Variants in MYLK3 observed in about 807,000 individuals in gnomAD.
MYLK3 encodes the protein MLC kinase.
In MYLK3, 55 loss-of-function variants were observed where a neutral mutation model predicts 76.3. That is an observed-to-expected ratio of 0.72 (90% CI 0.58 to 0.90). The LOEUF (loss-of-function observed/expected upper bound fraction) is 0.90, where lower values mean the gene tolerates loss of function less well. Among genes scored for constraint, MYLK3 ranks in the 40% least tolerant of loss-of-function variants. The pLI, the probability that MYLK3 is intolerant of heterozygous loss-of-function variation, is 0.00. For missense variants in MYLK3, 973 were observed against 1,053.6 expected, an observed-to-expected ratio of 0.92 and a Z score of 1.06; for synonymous variants, 416 against 425.4, an observed-to-expected ratio of 0.98 and a Z score of 0.27.
intron 8 of MYLK3, 76 bp from the exon 9 acceptor site, chr16:46,721,269 T>A: frequency 7.2e-7 from 1 of 1,392,490 alleles, no homozygotes; most frequent in Non-Finnish European, 1.0e-6. Flanking sequence ...TCTATAGGCC[T>A]CTGTTTTCCA....
chr16:46,732,572 T>C lies in MYLK3; in HGVS notation c.1098A>G (p.Ala366=). 12 of 1,599,380 alleles carry C rather than the reference T, an allele frequency of 7.5e-6. No homozygotes were observed. The highest frequency in any genetic ancestry group is 1.0e-5 in the Non-Finnish European group (12 of 1,179,424). The change falls in exon 4 of 13, where the codon GCA becomes GCG. Residue 366 remains alanine, a synonymous_variant. Transcript: ENST00000394809. The stretch of plus-strand genomic sequence containing the variant: ...GGCCCTGCTTGCCTGGCTGGGCAGC[T>C]GCTGGAGCCTCTGTGGTGAGGGTGG... ...LGPTLTTEAP[A]AAQPGKQGPP...
intron 3 of MYLK3, among the ~76,000 whole-genome samples, chr16:46,733,707 G>T (rs1596763203): frequency 6.6e-6 from 1 of 152,226 alleles, no homozygotes; most frequent in East Asian, 1.9e-4. Flanking sequence ...TCTTGGTGGG[G>T]CTTCTTTTTG....
chr16:46,712,464 C>T lies in MYLK3; in HGVS notation c.2114+184G>A, dbSNP rs180917365. 4.6e-5 allele frequency among the ~76,000 whole-genome samples: 7 copies of T among 152,270 alleles called. No homozygotes were observed. In the East Asian group the frequency reaches 1.2e-3, roughly 25 times the overall value. On this transcript the variant is annotated intron_variant, in intron 10 of 12. Coordinates refer to ENST00000394809, the MANE Select transcript of MYLK3 (RefSeq NM_182493.3). ...ACTGCCTTGTAAATATGGTAACTGGCTTGATAACATACCCTTCCCTGGCTC... is the reference window on the plus strand; with the variant it reads ...ACTGCCTTGTAAATATGGTAACTGGTTTGATAACATACCCTTCCCTGGCTC...
At chr16:46,744,312 G>C (rs905935414) in intron 1 of MYLK3, among the ~76,000 whole-genome samples, 7 of 138,024 alleles carry the variant, frequency 5.1e-5, no homozygotes, top group African/African-American at 1.9e-4. Context: ...AATTACAGGC[G>C]TGAGCCACCA....
At chr16:46,718,256 G>T (rs998967302) in intron 9 of MYLK3, among the ~76,000 whole-genome samples, 4 of 152,180 alleles carry the variant, frequency 2.6e-5, no homozygotes, top group African/African-American at 9.7e-5. Flanking sequence ...CAAGCATGTG[G>T]GAGGCATCTG....
intron 9 of MYLK3, among the ~76,000 whole-genome samples, chr16:46,716,733 C>T (rs1250344293): frequency 6.6e-6 from 1 of 152,174 alleles, no homozygotes; most frequent in East Asian, 1.9e-4. Flanking sequence ...AGGAATGCAA[C>T]ACAGAAAGGC....
In MYLK3 at chr16:46,747,956, C is replaced by A; in HGVS notation, c.238G>T (p.Gly80Trp). 1 of 1,613,326 alleles carries A rather than the reference C, an allele frequency of 6.2e-7. No individual in the cohort carries two copies. The highest frequency in any genetic ancestry group is 8.5e-7 in the Non-Finnish European group (1 of 1,179,826). ...SRAPGPGGADGVPHIDTQAGW... is the reference protein window; with the variant it reads ...SRAPGPGGADWVPHIDTQAGW... Reference sequence around the variant, plus strand: ...GCCTGGGTGTCAATGTGGGGAACCCCATCAGCCCCGCCCGGGCCCGGTGCC... The same window carrying A: ...GCCTGGGTGTCAATGTGGGGAACCCAATCAGCCCCGCCCGGGCCCGGTGCC... The change falls in exon 1 of 13, where the codon GGG (glycine) becomes TGG (tryptophan). Residue 80 changes from glycine to tryptophan, a missense_variant. Gly to Trp is a radical substitution (Grantham distance 184, BLOSUM62 -2). Around this residue, in one of 2 missense-constraint regions of MYLK3, gnomAD observed 641 missense variants for 637.0 expected, o/e 1.01. Coordinates refer to ENST00000394809, the MANE Select transcript of MYLK3 (RefSeq NM_182493.3).
intron 1 of MYLK3, among the ~76,000 whole-genome samples, chr16:46,758,298 ACACACACTCTCT>A (rs1196939304): frequency 4.8e-4 from 27 of 56,228 alleles, no homozygotes; most frequent in East Asian, 2.3e-3. Flanking sequence ...ACACACACAC[ACACACACTCTCT>A]CTCTCTCTCT....
chr16:46,721,190 C>T lies in MYLK3; in HGVS notation c.1918G>A (p.Glu640Lys). The change falls in exon 9 of 13, where the codon GAG becomes AAG. Residue 640 changes from glutamate to lysine, a missense_variant. Physicochemically the swap from Glu to Lys is moderately conservative, Grantham distance 56. This residue lies in a region of MYLK3 where 332 missense variants were observed against 416.6 expected (regional missense o/e 0.80). Coordinates refer to ENST00000394809, the MANE Select transcript of MYLK3 (RefSeq NM_182493.3). ...GTCTGATTGACGCACAATATGTTCT[C>T]CGGCTGGGAAAGAAAGAAGTCTGCT... ...HYILHLDLKP[E>K]NILCVNQTGH... 10 of 1,614,198 alleles carry T rather than the reference C, an allele frequency of 6.2e-6. No individual in the cohort carries two copies. Among genetic ancestry groups the T allele is most frequent in the Non-Finnish European group, 8.5e-6 (10 of 1,180,028 alleles).
intron 9 of MYLK3, among the ~76,000 whole-genome samples, chr16:46,717,290 C>T (rs1419218539): frequency 6.6e-6 from 1 of 152,178 alleles, no homozygotes. Flanking sequence ...CGCTTTTGAT[C>T]ACAGAAGTCT....
rs143734426 is a variant in MYLK3, at chr16:46,703,486, G to A, written c.*4218C>T. The A allele has an allele frequency of 6.6e-6, 1 of 152,344 alleles. No individual in the cohort carries two copies. The highest frequency in any genetic ancestry group is 1.5e-5 in the Non-Finnish European group (1 of 68,042). The allele number at this position is 152,344 out of a possible 1,614,324, so 9.4% of individuals were successfully genotyped here. ...CACCAATCTGACAGGTGGAAAAAGTGTGCCCCAACTACCTTTTAGAGTTTC... is the reference window on the plus strand; with the variant it reads ...CACCAATCTGACAGGTGGAAAAAGTATGCCCCAACTACCTTTTAGAGTTTC... On this transcript the variant is annotated 3_prime_UTR_variant, in exon 13 of 13. Coordinates refer to ENST00000394809, the MANE Select transcript of MYLK3 (RefSeq NM_182493.3).
In MYLK3 at chr16:46,745,185, A is replaced by AG. The variant is rs1252513817; in HGVS notation, c.477+2531dup. On this transcript the variant is annotated intron_variant, in intron 1 of 12. Coordinates refer to ENST00000394809, the MANE Select transcript of MYLK3 (RefSeq NM_182493.3). ...CATTTGGCTTGGTATTTCCACTGCC[A>AG]GGAGTGTAACATGCAGATAAACTCA... 5.9e-5 allele frequency among the ~76,000 whole-genome samples: 9 copies of AG among 152,338 alleles called. No homozygotes were observed. The East Asian group carries it at 1.5e-3, about 26-fold the overall frequency.
At position 46,703,484 on chromosome 16, in the gene MYLK3, G is replaced by A. The variant is rs747048554; in HGVS notation, c.*4220C>T. The A allele has an allele frequency of 1.8e-4, 27 of 152,226 alleles. No homozygotes were observed. Among genetic ancestry groups the A allele is most frequent in the Admixed American group, 3.3e-4 (5 of 15,284 alleles). The allele number at this position is 152,226 out of a possible 1,614,324, so 9.4% of individuals were successfully genotyped here. A position where few individuals can be genotyped will look rare whatever the true frequency, so the allele number is the denominator to read the frequency against. ...TTCACCAATCTGACAGGTGGAAAAA[G>A]TGTGCCCCAACTACCTTTTAGAGTT... On this transcript the variant is annotated 3_prime_UTR_variant, in exon 13 of 13. Coordinates refer to ENST00000394809, the MANE Select transcript of MYLK3 (RefSeq NM_182493.3).
chr16:46,751,205 G>A (rs1006931100), upstream of MYLK3, among the ~76,000 whole-genome samples: 3 of 151,494 alleles, frequency 2.0e-5, no homozygotes, highest in Non-Finnish European at 4.4e-5. Context: ...GAGGCCAGGA[G>A]TTTGAGACCA....
At chr16:46,727,632 T>G (rs1001631832) in intron 7 of MYLK3, among the ~76,000 whole-genome samples, 5 of 152,204 alleles carry the variant, frequency 3.3e-5, no homozygotes, top group Non-Finnish European at 7.4e-5. Context: ...GTTCAAGTGA[T>G]TCTCCTGCCT....
chr16:46,710,192 T>C (rs1175993228), intron 11 of MYLK3, among the ~76,000 whole-genome samples: 3 of 152,334 alleles, frequency 2.0e-5, no homozygotes, highest in East Asian at 3.9e-4. Context: ...TTAATACCTT[T>C]GGTTATGTCC....
intron 8 of MYLK3, among the ~76,000 whole-genome samples, chr16:46,724,322 T>C (rs533637829): frequency 6.6e-6 from 1 of 152,336 alleles, no homozygotes; most frequent in African/African-American, 2.4e-5. Flanking sequence ...GTCTAATTTA[T>C]CTTTTTTTAA....
chr16:46,753,002 G>T (rs942769787), upstream of MYLK3, among the ~76,000 whole-genome samples: 5 of 152,084 alleles, frequency 3.3e-5, no homozygotes, highest in Non-Finnish European at 7.4e-5. Flanking sequence ...ATACCCACCC[G>T]CAACGATGAA....
intron 9 of MYLK3, among the ~76,000 whole-genome samples, chr16:46,717,481 G>A (rs1236125852): frequency 6.6e-6 from 1 of 152,108 alleles, no homozygotes; most frequent in African/African-American, 2.4e-5. Context: ...AGACGTGTGA[G>A]CCTCGCATTC....
Sources: gnomAD v4.1 joint callset for allele counts (sites outside exome capture counted in the v4.1 genomes callset) on GRCh38, gnomAD v4.1.1 for gene constraint, gnomAD v4.1.1 regional missense constraint, MANE v1.5 for transcripts, NCBI Gene and HGNC (gene_info 2026-07-23, HGNC 2026-07-21) for gene names.